ZNF322: variants seen among roughly 807,000 people sequenced by gnomAD.
ZNF322 encodes the protein HLA complex group 12.
Under a neutral mutation model 18.3 loss-of-function variants are expected in ZNF322, and 1 was observed. The ratio of observed to expected loss-of-function variants is 0.05; its 90% CI spans 0.02 to 0.26. The LOEUF is 0.26. Among genes scored for constraint, ZNF322 ranks in the 10% least tolerant of loss-of-function variants. ZNF322 has a pLI of 1.00. For synonymous variants in ZNF322, 17 were observed against 130.7 expected, an observed-to-expected ratio of 0.13 and a Z score of 5.93; for missense variants, 36 against 403.6, an observed-to-expected ratio of 0.09 and a Z score of 7.80.
intron 2 of ZNF322, among the ~76,000 whole-genome samples, chr6:26,644,966 C>T (rs1765530586): frequency 6.6e-6 from 1 of 152,086 alleles, no homozygotes; most frequent in Admixed American, 6.5e-5. Flanking sequence ...GTTCTCCCTC[C>T]CCCCGCACCT....
intron 2 of ZNF322, among the ~76,000 whole-genome samples, chr6:26,652,716 C>T (rs147609613): frequency 1.3e-5 from 2 of 152,064 alleles, no homozygotes; most frequent in African/African-American, 2.4e-5. Context: ...ATTGTAGATA[C>T]CCCATAGAAT....
intron 3 of ZNF322, among the ~76,000 whole-genome samples, chr6:26,641,750 C>T (rs1309914925): frequency 6.6e-6 from 1 of 152,162 alleles, no homozygotes; most frequent in African/African-American, 2.4e-5. Flanking sequence ...TGCTATTCTC[C>T]AGTCTCAAGT....
chr6:26,643,455 C>T (rs1554148467), intron 3 of ZNF322, among the ~76,000 whole-genome samples: 1 of 152,158 alleles, frequency 6.6e-6, no homozygotes, highest in African/African-American at 2.4e-5. Flanking sequence ...TTTTATCTTT[C>T]CTTACCATAT....
At chr6:26,655,840 A>T (rs1383106120) in intron 2 of ZNF322, among the ~76,000 whole-genome samples, 1 of 152,166 alleles carries the variant, frequency 6.6e-6, no homozygotes, top group Non-Finnish European at 1.5e-5. Flanking sequence ...CCATGAAATG[A>T]CACAGCAAGA....
At chr6:26,651,609 A>C (rs1321556792) in intron 2 of ZNF322, 1 of 152,202 alleles carries the variant, frequency 6.6e-6, no homozygotes, top group Non-Finnish European at 1.5e-5. Flanking sequence ...CACCACAAGA[A>C]ATGGTATGTG....
At chr6:26,642,158 C>T (rs977670503) in intron 3 of ZNF322, among the ~76,000 whole-genome samples, 1 of 152,180 alleles carries the variant, frequency 6.6e-6, no homozygotes, top group Non-Finnish European at 1.5e-5. Flanking sequence ...GGCCTATGTG[C>T]ACATCCAGGC....
rs570325462 is a variant in ZNF322 at position 26,645,989 on chromosome 6, C to T, written c.-245-2261G>A. On this transcript the variant is annotated intron_variant, in intron 2 of 3. Transcript: ENST00000415922. ...GAGGTTGCGGTGAGCCAAGATCAGG[C>T]CATTGCACTCCAGCCTGGGCAACAA... is the stretch of plus-strand genomic sequence containing the variant. Among the ~76,000 whole-genome samples the T allele has an allele frequency of 1.4e-3, 220 of 151,924 alleles. 1 individual carries two copies. The highest frequency in any genetic ancestry group is 3.9e-3 in the African/African-American group (162 of 41,422).
chr6:26,642,013 T>A (rs1765474897), intron 3 of ZNF322, among the ~76,000 whole-genome samples: 1 of 152,180 alleles, frequency 6.6e-6, no homozygotes, highest in Non-Finnish European at 1.5e-5. Flanking sequence ...ATGGAATGTC[T>A]CGGTGTAAAA....
chr6:26,659,024 G>T (rs1765832378), intron 1 of ZNF322, among the ~76,000 whole-genome samples: 1 of 152,126 alleles, frequency 6.6e-6, no homozygotes, highest in Non-Finnish European at 1.5e-5. Flanking sequence ...AAGTGCATGT[G>T]ATAAGTGTAT....
At chr6:26,643,391 T>C (rs1554148465) in intron 3 of ZNF322, among the ~76,000 whole-genome samples, 1 of 152,250 alleles carries the variant, frequency 6.6e-6, no homozygotes, top group Admixed American at 6.5e-5. Context: ...ACATACTATA[T>C]AATTCACTTT....
At chr6:26,656,078 C>T (rs782292541) in intron 2 of ZNF322, among the ~76,000 whole-genome samples, 3 of 152,080 alleles carry the variant, frequency 2.0e-5, no homozygotes, top group Non-Finnish European at 4.4e-5. Context: ...GTTCTTTGTA[C>T]CATTTTGCAA....
At chr6:26,650,586 G>C (rs1326309894) in intron 2 of ZNF322, 1 of 152,190 alleles carries the variant, frequency 6.6e-6, no homozygotes, top group African/African-American at 2.4e-5. Context: ...AGTGATTACA[G>C]TTAAGGTTGT....
chr6:26,649,675 G>GTGTGTATATA (rs1465971500), intron 2 of ZNF322, among the ~76,000 whole-genome samples: 126 of 22,914 alleles, frequency 5.5e-3, no homozygotes, highest in East Asian at 8.2e-3. Flanking sequence ...GTGTGTGTGT[G>GTGTGTATATA]TATATATATA....
chr6:26,638,883 T>C (rs1765417401), intron 3 of ZNF322, among the ~76,000 whole-genome samples, 155 bp from the exon 4 acceptor site: 1 of 152,210 alleles, frequency 6.6e-6, no homozygotes, highest in Admixed American at 6.5e-5. Context: ...TTTTACTCTT[T>C]GCTAATATAA....
In ZNF322 at chr6:26,637,169, GAA is replaced by G; in HGVS notation, c.*174_*175del. On this transcript the variant is annotated 3_prime_UTR_variant, in exon 4 of 4. Transcript: ENST00000415922. ...GTAGATTTCTCGTTGGAGTGAGGAT[GAA>G]GTGTTCTGTTAGGGCAGCTCTCTGG... 2.0e-6 allele frequency: 1 copy of G among 498,472 alleles called. No individual in the cohort carries two copies. 30.9% of individuals were successfully genotyped at this position (498,472 alleles called of 1,614,324 possible).
chr6:26,649,661 GTGTGTGTGTGTGTGTATATA>G (rs1424985991), intron 2 of ZNF322, among the ~76,000 whole-genome samples: 1 of 44,242 alleles, frequency 2.3e-5, no homozygotes, highest in African/African-American at 9.3e-5. Flanking sequence ...GTGTGTGTGT[GTGTGTGTGTGTGTGTATATA>G]TATATATATA....
chr6:26,649,635 ATATGTGTGTG>A (rs1422634052), intron 2 of ZNF322, among the ~76,000 whole-genome samples: 2 of 68,488 alleles, frequency 2.9e-5, no homozygotes, highest in Non-Finnish European at 6.3e-5. Flanking sequence ...ATATACATAC[ATATGTGTGTG>A]TGTGTGTGTG....
chr6:26,644,599 G>C (rs1765522924), intron 2 of ZNF322, among the ~76,000 whole-genome samples: 1 of 152,176 alleles, frequency 6.6e-6, no homozygotes, highest in Admixed American at 6.5e-5. Context: ...TAGCATGCAA[G>C]TCAGGAAAGA....
intron 2 of ZNF322, among the ~76,000 whole-genome samples, chr6:26,645,263 A>T (rs1765536128): frequency 6.6e-6 from 1 of 152,246 alleles, no homozygotes; most frequent in South Asian, 2.1e-4. Flanking sequence ...TAAGAAGAAC[A>T]AATGTACTAT....
Sources: gnomAD v4.1 joint callset for allele counts (sites outside exome capture counted in the v4.1 genomes callset) on GRCh38, gnomAD v4.1.1 for gene constraint, MANE v1.5 for transcripts, NCBI Gene and HGNC (gene_info 2026-07-23, HGNC 2026-07-21) for gene names.